The following DLC1 variants were observed in gnomAD, a reference collection of about 807,000 sequenced individuals.
The protein encoded by DLC1 is DLC1 Rho GTPase activating protein.
Under a neutral mutation model 140.3 loss-of-function variants are expected in DLC1, and 54 were observed. The ratio of observed to expected loss-of-function variants is 0.38; its 90% CI spans 0.31 to 0.48. The LOEUF (loss-of-function observed/expected upper bound fraction) is 0.48. DLC1 is among the 20% of genes least tolerant of loss of function. The pLI is 0.96. For missense variants in DLC1, 2,536 were observed against 1,907.0 expected (o/e 1.33, Z -6.14); for synonymous variants, 986 against 728.1 (o/e 1.35, Z -5.70).
At chr8:13,458,971 G>T (rs1799534980) in intron 2 of DLC1, among the ~76,000 whole-genome samples, 1 of 152,128 alleles carries the variant, frequency 6.6e-6, no homozygotes, top group South Asian at 2.1e-4. Context: ...GTAGATTAAA[G>T]TCCAACTCAC....
chr8:13,287,088 T>A (rs1831559329), intron 5 of DLC1, among the ~76,000 whole-genome samples: 1 of 152,138 alleles, frequency 6.6e-6, no homozygotes, highest in African/African-American at 2.4e-5. Context: ...ATTTAAGAAA[T>A]GTGGTGGGAA....
intron 5 of DLC1, among the ~76,000 whole-genome samples, chr8:13,162,729 C>T (rs926865784): frequency 3.3e-5 from 5 of 152,024 alleles, no homozygotes; most frequent in Admixed American, 6.5e-5. Context: ...CACTTGAGGC[C>T]GGGAGTTGGA....
intron 1 of DLC1, among the ~76,000 whole-genome samples, chr8:13,570,171 A>T (rs79959246): frequency 0.071 from 10,791 of 152,220 alleles, 498 homozygotes; most frequent in African/African-American, 0.12. Flanking sequence ...ATCTGGCCCA[A>T]CTTTACCTTT....
At chr8:13,182,835 G>T (rs1308175188) in intron 5 of DLC1, among the ~76,000 whole-genome samples, 1 of 152,154 alleles carries the variant, frequency 6.6e-6, no homozygotes. Context: ...CTTTAAAGTA[G>T]TTTTTTCCAA....
At chr8:13,187,862 T>C (rs1056391214) in intron 5 of DLC1, among the ~76,000 whole-genome samples, 6 of 152,176 alleles carry the variant, frequency 3.9e-5, no homozygotes, top group Non-Finnish European at 5.9e-5. Context: ...CCCAACCCTC[T>C]AGCACCAGCC....
intron 2 of DLC1, among the ~76,000 whole-genome samples, chr8:13,430,234 C>A (rs1239674956): frequency 6.6e-6 from 1 of 152,174 alleles, no homozygotes; most frequent in Admixed American, 6.5e-5. Flanking sequence ...TTCCTCCCTG[C>A]AACTGAGATT....
chr8:13,426,920 C>G (rs941746683), intron 2 of DLC1, among the ~76,000 whole-genome samples: 8 of 152,098 alleles, frequency 5.3e-5, no homozygotes, highest in African/African-American at 1.4e-4. Flanking sequence ...TTTGTCATAT[C>G]ACGAGTTTTT....
At chr8:13,383,766 A>G (rs1836379499) in intron 4 of DLC1, among the ~76,000 whole-genome samples, 1 of 152,172 alleles carries the variant, frequency 6.6e-6, no homozygotes, top group Admixed American at 6.5e-5. Flanking sequence ...CCCATTGAGA[A>G]AAATGACATA....
chr8:13,292,678 A>G (rs1831802533), intron 5 of DLC1, among the ~76,000 whole-genome samples: 1 of 152,268 alleles, frequency 6.6e-6, no homozygotes, highest in African/African-American at 2.4e-5. Context: ...GTACAAGTGT[A>G]TTTTTTTAAA....
intron 1 of DLC1, among the ~76,000 whole-genome samples, chr8:13,579,577 A>T (rs1805003733): frequency 7.7e-6 from 1 of 129,936 alleles, no homozygotes; most frequent in Non-Finnish European, 1.6e-5. Context: ...TATTTAATAT[A>T]TTATATTTTA....
chr8:13,533,058 T>C (rs1255912725), intron 1 of DLC1, among the ~76,000 whole-genome samples: 1 of 152,214 alleles, frequency 6.6e-6, no homozygotes, highest in African/African-American at 2.4e-5. Flanking sequence ...GGGAGTATTA[T>C]TAGTTGAAAC....
intron 5 of DLC1, among the ~76,000 whole-genome samples, chr8:13,280,107 C>T (rs1050993164): frequency 2.0e-5 from 3 of 149,406 alleles, no homozygotes; most frequent in South Asian, 2.1e-4. Flanking sequence ...GTGAAACCCC[C>T]GTCTCTACTA....
At chr8:13,411,482 C>T (rs1410389388) in intron 2 of DLC1, among the ~76,000 whole-genome samples, 2 of 152,192 alleles carry the variant, frequency 1.3e-5, no homozygotes, top group East Asian at 3.8e-4. Context: ...TGTCATTATA[C>T]ATTTATCCAA....
intron 1 of DLC1, chr8:13,559,484 G>C (rs926252366): frequency 1.3e-5 from 2 of 152,072 alleles, no homozygotes; most frequent in South Asian, 4.1e-4. Context: ...TGCTTACTTT[G>C]AACACTTTAA....
chr8:13,109,157 T>C (rs1232898811), intron 7 of DLC1, among the ~76,000 whole-genome samples: 2 of 152,164 alleles, frequency 1.3e-5, no homozygotes, highest in African/African-American at 4.8e-5. Context: ...TATAACACTG[T>C]ATTATATGAG....
intron 5 of DLC1, among the ~76,000 whole-genome samples, chr8:13,277,140 C>T (rs760215062): frequency 6.6e-6 from 1 of 151,998 alleles, no homozygotes; most frequent in Non-Finnish European, 1.5e-5. Flanking sequence ...GGGCAACAAA[C>T]AAGACCCCAC....
At chr8:13,446,477 G>A (rs954241717) in intron 2 of DLC1, among the ~76,000 whole-genome samples, 1 of 152,022 alleles carries the variant, frequency 6.6e-6, no homozygotes, top group African/African-American at 2.4e-5. Context: ...ATTTAGTCAT[G>A]ACTAAGTTTT....
rs1266370884 is a variant in DLC1 at position 13,094,634 on chromosome 8, C to G, written c.3526+125G>C. The G allele has an allele frequency of 4.9e-6, 6 of 1,220,950 alleles. No homozygotes were observed. In the African/African-American group the frequency reaches 6.1e-5, roughly 12 times the overall value. 75.6% of individuals were successfully genotyped at this position (1,220,950 alleles called of 1,614,324 possible). On this transcript the variant is annotated intron_variant, in intron 12 of 17. Coordinates refer to ENST00000276297, the MANE Select transcript of DLC1 (RefSeq NM_182643.3). ...TGAGCCGAGGTCACGCCACTGCACT[C>G]CAGCCTGGATGACAGAGCGAGACTC... is the stretch of plus-strand genomic sequence containing the variant.
Position 13,509,162 on chromosome 8 carries a change from T to G in DLC1, c.-126+5440A>C, listed in dbSNP as rs552289949. Among the ~76,000 whole-genome samples, 17 of 152,366 alleles carry G rather than the reference T, an allele frequency of 1.1e-4. No homozygotes were observed. The South Asian group carries it at 3.5e-3, about 32-fold the overall frequency. ...TCATCATCATGGTGAGATGCGGTTTTGCTTTAAGTGGTCACTTTATTTTTA... is the reference window on the plus strand; with the variant it reads ...TCATCATCATGGTGAGATGCGGTTTGGCTTTAAGTGGTCACTTTATTTTTA... On this transcript the variant is annotated intron_variant, in intron 1 of 17. Transcript: ENST00000276297.
Sources: allele counts gnomAD v4.1 joint callset (sites outside exome capture counted in the v4.1 genomes callset), GRCh38; gene constraint gnomAD v4.1.1; transcripts MANE v1.5; gene names NCBI Gene and HGNC (gene_info 2026-07-23, HGNC 2026-07-21).